The following GLIS1 variants were observed in gnomAD, a reference collection of about 807,000 sequenced individuals.
GLIS1 encodes the protein GLIS family zinc finger 1.
Under a neutral mutation model 63.8 loss-of-function variants are expected in GLIS1, and 24 were observed. The ratio of observed to expected loss-of-function variants is 0.38; its 90% CI spans 0.27 to 0.53. The LOEUF (loss-of-function observed/expected upper bound fraction) is 0.53, where lower values mean the gene tolerates loss of function less well. GLIS1 is among the 20% of genes least tolerant of loss of function. The pLI is 0.85. For synonymous variants in GLIS1, 450 were observed against 482.5 expected (o/e 0.93, Z 0.88); for missense variants, 1,036 against 1,074.1 (o/e 0.96, Z 0.50).
intron 7 of GLIS1, among the ~76,000 whole-genome samples, chr1:53,518,294 C>T (rs1644373194): frequency 6.6e-6 from 1 of 152,180 alleles, no homozygotes; most frequent in South Asian, 2.1e-4. Flanking sequence ...AAGAAGACAG[C>T]CTGCACAGAT....
intron 2 of GLIS1, among the ~76,000 whole-genome samples, chr1:53,731,848 C>T (rs1646864430): frequency 1.3e-5 from 2 of 152,232 alleles, no homozygotes; most frequent in African/African-American, 4.8e-5. Context: ...AAAGTGGCCT[C>T]TTCCTACACC....
intron 2 of GLIS1, among the ~76,000 whole-genome samples, chr1:53,709,401 CATATATATAT>C (rs201114043): frequency 6.6e-4 from 8 of 12,052 alleles, no homozygotes; most frequent in Admixed American, 3.0e-3. Flanking sequence ...TATACATATA[CATATATATAT>C]ACACACACAC....
intron 4 of GLIS1, among the ~76,000 whole-genome samples, chr1:53,540,313 C>T (rs1257448742): frequency 6.6e-6 from 1 of 152,134 alleles, no homozygotes; most frequent in East Asian, 1.9e-4. Flanking sequence ...GCTGTGAGCG[C>T]TGCTTCAGGA....
chr1:53,520,135 A>G (rs1293201048), intron 7 of GLIS1, among the ~76,000 whole-genome samples: 5 of 152,198 alleles, frequency 3.3e-5, no homozygotes, highest in Non-Finnish European at 7.3e-5. Context: ...ACTGGGGCAG[A>G]GCGAAGCCCA....
chr1:53,695,998 G>A lies in GLIS1; in HGVS notation c.259+41808C>T, dbSNP rs114324868. On this transcript the variant is annotated intron_variant, in intron 2 of 10. Coordinates refer to ENST00000628545, the MANE Select transcript of GLIS1 (RefSeq NM_001367484.1). Reference sequence around the variant, plus strand: ...ATCTCTTGAGAATGCAGGCAGACTCGCAGTCAGCAGGCTGCACTCCAAGTC... The same window carrying A: ...ATCTCTTGAGAATGCAGGCAGACTCACAGTCAGCAGGCTGCACTCCAAGTC... Among the ~76,000 whole-genome samples the A allele has an allele frequency of 3.8e-3, 578 of 152,272 alleles. 1 individual carries two copies. Among genetic ancestry groups the A allele is most frequent in the Non-Finnish European group, 5.9e-3 (400 of 68,032 alleles).
At chr1:53,602,789 G>C (rs937730960) in intron 2 of GLIS1, among the ~76,000 whole-genome samples, 1 of 152,204 alleles carries the variant, frequency 6.6e-6, no homozygotes, top group Non-Finnish European at 1.5e-5. Flanking sequence ...CCCACATCCT[G>C]CTGCCTCTTG....
chr1:53,624,601 C>T (rs573705843), intron 2 of GLIS1, among the ~76,000 whole-genome samples: 10 of 151,368 alleles, frequency 6.6e-5, no homozygotes, highest in Admixed American at 5.9e-4. Context: ...AGTGCAGTGG[C>T]GCAATCCTAG....
In GLIS1 at chr1:53,524,876, G is replaced by A. The variant is rs780091796; in HGVS notation, c.1494C>T (p.Ala498=). ...GCTTGGAGCAGCCAGGGATCTGACA[G>A]GCGTACGGCTTCTGTAACATGGGGG... ...QRTHLDTKPY[A]CQIPGCSKRY... is the part of the protein sequence containing the mutation. The change falls in exon 6 of 11, where the codon GCC becomes GCT. Residue 498 remains alanine (A), a synonymous_variant. Transcript: ENST00000628545. 2.5e-6 allele frequency: 4 copies of A among 1,612,896 alleles called. No individual in the cohort carries two copies. The highest frequency in any genetic ancestry group is 1.1e-5 in the South Asian group (1 of 91,080).
chr1:53,531,360 G>T (rs1401985965), intron 4 of GLIS1, among the ~76,000 whole-genome samples: 1 of 152,250 alleles, frequency 6.6e-6, no homozygotes, highest in African/African-American at 2.4e-5. Context: ...TGTTACCCGA[G>T]GACTGGCGCT....
chr1:53,583,598 T>C (rs1329813776), intron 4 of GLIS1, among the ~76,000 whole-genome samples: 2 of 152,188 alleles, frequency 1.3e-5, no homozygotes, highest in African/African-American at 4.8e-5. Context: ...GAAGTGGCTA[T>C]ACAGAGAGGG....
At chr1:53,712,827 C>T (rs970257902) in intron 2 of GLIS1, among the ~76,000 whole-genome samples, 3 of 152,118 alleles carry the variant, frequency 2.0e-5, no homozygotes, top group African/African-American at 7.2e-5. Flanking sequence ...CCATCATCGG[C>T]GGTGGGCTAC....
rs563873985 is a variant in GLIS1 at position 53,548,501 on chromosome 1, G to A, written c.1321-18549C>T. ...GTGACAACGCTGCCATGCCACCAGG[G>A]TTATCCCTGCTCGCATTTCTACCAC... On this transcript the variant is annotated intron_variant, in intron 4 of 10. Transcript: ENST00000628545. Among the ~76,000 whole-genome samples the A allele has an allele frequency of 3.3e-5, 5 of 152,326 alleles. No homozygotes were observed. In the South Asian group the frequency reaches 1.0e-3, roughly 32 times the overall value.
At chr1:53,512,158 C>T (rs1374077918) in intron 8 of GLIS1, among the ~76,000 whole-genome samples, 1 of 152,220 alleles carries the variant, frequency 6.6e-6, no homozygotes, top group Non-Finnish European at 1.5e-5. Context: ...AAACAGAACA[C>T]AACTCTCTCC....
intron 2 of GLIS1, among the ~76,000 whole-genome samples, chr1:53,632,959 C>A (rs189971871): frequency 1.1e-5 from 1 of 92,552 alleles, no homozygotes; most frequent in Non-Finnish European, 2.1e-5. Context: ...GACTGAGGGG[C>A]GTGTATATGT....
chr1:53,674,183 AAAAAAAGAAAAG>A (rs1473394635), intron 2 of GLIS1, among the ~76,000 whole-genome samples: 1 of 151,848 alleles, frequency 6.6e-6, no homozygotes, highest in Non-Finnish European at 1.5e-5. Flanking sequence ...AAAAAAAAAA[AAAAAAAGAAAAG>A]AAAAAAAAAT....
Position 53,573,830 on chromosome 1 carries a change from C to G in GLIS1, c.1320+20278G>C, listed in dbSNP as rs556679100. Among the ~76,000 whole-genome samples the G allele has an allele frequency of 2.0e-4, 30 of 152,336 alleles. No homozygotes were observed. The South Asian group carries it at 6.0e-3, about 30-fold the overall frequency. On this transcript the variant is annotated intron_variant, in intron 4 of 10. Coordinates refer to ENST00000628545, the MANE Select transcript of GLIS1 (RefSeq NM_001367484.1). ...TGGACTTGGTATACCCTGAAAACAT[C>G]CCTTCGGAGTGGCTCCGGCTAATGC...
intron 2 of GLIS1, among the ~76,000 whole-genome samples, chr1:53,704,189 A>G (rs1396855149): frequency 6.6e-6 from 1 of 152,240 alleles, no homozygotes; most frequent in Non-Finnish European, 1.5e-5. Flanking sequence ...CCCACAGCCA[A>G]TGCTGCAGAA....
At position 53,526,561 on chromosome 1, in the gene GLIS1, C is replaced by A. The variant is rs1038078073; in HGVS notation, c.1483-1674G>T. On this transcript the variant is annotated intron_variant, in intron 5 of 10. Transcript: ENST00000628545. This position sits in a 1 kb window ranked among gnomAD's most constrained non-coding sequence, Gnocchi z 4.4. ...CACACACACACACACACAAAACCACCACCACCACACACACACACCACACCA... is the reference window on the plus strand; with the variant it reads ...CACACACACACACACACAAAACCACAACCACCACACACACACACCACACCA... Among the ~76,000 whole-genome samples the A allele has an allele frequency of 4.7e-5, 7 of 149,066 alleles. No homozygotes were observed. The highest frequency in any genetic ancestry group is 3.4e-4 in the Admixed American group (5 of 14,792).
At chr1:53,717,942 G>T (rs1646716592) in intron 2 of GLIS1, among the ~76,000 whole-genome samples, 1 of 152,140 alleles carries the variant, frequency 6.6e-6, no homozygotes, top group African/African-American at 2.4e-5. Context: ...CTCTGCCCAT[G>T]CGAAGCATCC....
Sources: gnomAD v4.1 joint callset for allele counts (sites outside exome capture counted in the v4.1 genomes callset) on GRCh38, gnomAD v4.1.1 for gene constraint, Gnocchi (gnomAD v3.1) non-coding constraint, MANE v1.5 for transcripts, NCBI Gene and HGNC (gene_info 2026-07-23, HGNC 2026-07-21) for gene names.